KIF6: variants seen among roughly 807,000 people sequenced by gnomAD.
KIF6 encodes kinesin-like protein KIF6.
KIF6 carries 106 observed loss-of-function variants against 112.7 expected under a neutral mutation model. The ratio of observed to expected loss-of-function variants is 0.94; its 90% confidence interval spans 0.80 to 1.11. The LOEUF (loss-of-function observed/expected upper bound fraction) is 1.11. KIF6 is among the 50% of genes least tolerant of loss of function. The pLI is 0.00. For missense variants in KIF6, 929 were observed against 964.0 expected (o/e 0.96, Z 0.48); for synonymous variants, 339 against 339.9 (o/e 1.00, Z 0.03).
At chr6:39,414,019 C>A (rs767409574) in intron 15 of KIF6, among the ~76,000 whole-genome samples, 1 of 152,126 alleles carries the variant, frequency 6.6e-6, no homozygotes, top group African/African-American at 2.4e-5. Flanking sequence ...CATTTCTATT[C>A]TTGTAGGGAT....
At chr6:39,453,082 T>G (rs753895842) in intron 13 of KIF6, among the ~76,000 whole-genome samples, 1 of 152,184 alleles carries the variant, frequency 6.6e-6, no homozygotes, top group Non-Finnish European at 1.5e-5. Flanking sequence ...AGCAATCAAT[T>G]TAAACAAATG....
chr6:39,650,542 A>C (rs1042879164), intron 3 of KIF6, among the ~76,000 whole-genome samples: 24 of 151,528 alleles, frequency 1.6e-4, no homozygotes, highest in African/African-American at 5.3e-4. Flanking sequence ...ACATTATCTT[A>C]TTTACATAAT....
chr6:39,367,100 C>A (rs1397166167), intron 16 of KIF6, among the ~76,000 whole-genome samples: 1 of 152,128 alleles, frequency 6.6e-6, no homozygotes, highest in African/African-American at 2.4e-5. Flanking sequence ...GCCTGCTGCC[C>A]AAGGTGATGT....
chr6:39,461,531 G>T (rs77778581), intron 13 of KIF6, among the ~76,000 whole-genome samples: 2,078 of 151,702 alleles, frequency 0.014, 53 homozygotes, highest in African/African-American at 0.047. Flanking sequence ...TGTAAGAAAA[G>T]GTGAAATTAA....
In KIF6 at chr6:39,343,124, G is replaced by T. The variant is rs1763434558; in HGVS notation, c.2428+585C>A. ...CCCAGCCACAGCAGATGGGAGATGG[G>T]CAGCTGCCAAGAGGACGGGGCTGGG... On this transcript the variant is annotated intron_variant, in intron 22 of 22. Transcript: ENST00000287152. This position sits in a 1 kb window ranked among gnomAD's most constrained non-coding sequence, Gnocchi z 4.1. 1 of 985,244 alleles carries T rather than the reference G, an allele frequency of 1.0e-6. No homozygotes were observed. Among genetic ancestry groups the T allele is most frequent in the East Asian group, 1.1e-4 (1 of 8,826 alleles). The allele number at this position is 985,244 out of a possible 1,614,324, so 61.0% of individuals were successfully genotyped here. A position where few individuals can be genotyped will look rare whatever the true frequency, so the allele number is the denominator to read the frequency against.
At chr6:39,502,637 G>C (rs1776199348) in intron 13 of KIF6, among the ~76,000 whole-genome samples, 1 of 152,104 alleles carries the variant, frequency 6.6e-6, no homozygotes, top group African/African-American at 2.4e-5. Context: ...TCAAAATAAA[G>C]GGATGGAGGA....
chr6:39,592,337 G>C (rs1781998182), intron 7 of KIF6, among the ~76,000 whole-genome samples: 1 of 152,148 alleles, frequency 6.6e-6, no homozygotes, highest in Non-Finnish European at 1.5e-5. Flanking sequence ...AAACAAAAAA[G>C]AGCTCAGAAG....
intron 3 of KIF6, among the ~76,000 whole-genome samples, chr6:39,703,051 C>T (rs1211206161): frequency 1.9e-4 from 17 of 87,472 alleles, no homozygotes; most frequent in African/African-American, 4.9e-4. Flanking sequence ...TTCCACCCCC[C>T]GGCCACCAAG....
intron 10 of KIF6, among the ~76,000 whole-genome samples, chr6:39,551,974 G>A (rs896517999): frequency 1.6e-4 from 25 of 152,234 alleles, no homozygotes; most frequent in African/African-American, 3.6e-4. Context: ...AATCGGCTAT[G>A]AGACTTTTGA....
chr6:39,401,132 G>A (rs998495177), intron 15 of KIF6, among the ~76,000 whole-genome samples: 6 of 152,232 alleles, frequency 3.9e-5, no homozygotes, highest in African/African-American at 1.2e-4. Flanking sequence ...TGGCAAATAG[G>A]TGCCCCTAAT....
chr6:39,346,297 C>G (rs1289410995), intron 20 of KIF6, 179 bp downstream of exon 20: 1 of 697,204 alleles, frequency 1.4e-6, no homozygotes, highest in Non-Finnish European at 2.6e-6. Context: ...AACCTAATCT[C>G]CAATGTAATG....
intron 10 of KIF6, among the ~76,000 whole-genome samples, chr6:39,563,856 A>G (rs1780144788): frequency 1.3e-5 from 2 of 152,132 alleles, no homozygotes; most frequent in Admixed American, 1.3e-4. Context: ...TCAGGGTCTC[A>G]TCGCCTTTTT....
chr6:39,695,146 C>T (rs944666578), intron 3 of KIF6, among the ~76,000 whole-genome samples: 2 of 152,090 alleles, frequency 1.3e-5, no homozygotes, highest in African/African-American at 4.8e-5. Context: ...ACCCCTACCT[C>T]TCACCATATA....
At chr6:39,509,335 C>A (rs1280210048) in intron 13 of KIF6, among the ~76,000 whole-genome samples, 2 of 152,212 alleles carry the variant, frequency 1.3e-5, no homozygotes, top group East Asian at 1.9e-4. Context: ...TCCAAAGGAA[C>A]ACAACTCCTC....
In KIF6 at chr6:39,497,942, G is replaced by A. The variant is rs368074023; in HGVS notation, c.1645+42061C>T. On this transcript the variant is annotated intron_variant, in intron 13 of 22. Coordinates refer to ENST00000287152, the MANE Select transcript of KIF6 (RefSeq NM_145027.6). ...TCTTGTTGTTCATCTTTAAAGAAACGTTCTGTCCTATAAACTAGGAATCTA... is the reference window on the plus strand; with the variant it reads ...TCTTGTTGTTCATCTTTAAAGAAACATTCTGTCCTATAAACTAGGAATCTA... Among the ~76,000 whole-genome samples, 180 of 152,192 alleles carry A rather than the reference G, an allele frequency of 1.2e-3. 5 individuals are homozygous for A. The South Asian group carries it at 0.024, about 20-fold the overall frequency.
chr6:39,388,188 C>T (rs72860068), intron 15 of KIF6, among the ~76,000 whole-genome samples: 18,346 of 152,106 alleles, frequency 0.12, 2,214 homozygotes, highest in African/African-American at 0.31. Context: ...AAACCCCATG[C>T]CTTGACCAGA....
intron 13 of KIF6, 145 bp downstream of exon 13, chr6:39,539,858 G>T: frequency 3.1e-6 from 2 of 643,550 alleles, no homozygotes; most frequent in Non-Finnish European, 5.2e-6. Flanking sequence ...TGGGAAAGTG[G>T]TATTTAATTT....
At chr6:39,540,674 G>A (rs1002125604) in intron 12 of KIF6, among the ~76,000 whole-genome samples, 1 of 152,214 alleles carries the variant, frequency 6.6e-6, no homozygotes, top group South Asian at 2.1e-4. Context: ...AAACCCACCC[G>A]GCTGGCAGAT....
chr6:39,560,261 T>C (rs1239226257), intron 10 of KIF6, among the ~76,000 whole-genome samples: 3 of 152,342 alleles, frequency 2.0e-5, no homozygotes, highest in African/African-American at 7.2e-5. Flanking sequence ...GTGCAAGCAT[T>C]GCCCACAGCA....
Sources: allele counts gnomAD v4.1 joint callset (sites outside exome capture counted in the v4.1 genomes callset), GRCh38; gene constraint gnomAD v4.1.1; non-coding constraint Gnocchi (gnomAD v3.1); transcripts MANE v1.5; gene names NCBI Gene and HGNC (gene_info 2026-07-23, HGNC 2026-07-21).